DAP: variants seen among roughly 807,000 people sequenced by gnomAD.
DAP encodes the protein death-associated protein 1.
DAP carries 8 observed loss-of-function variants against 13.8 expected under a neutral mutation model. That is an observed-to-expected ratio of 0.58 (90% CI 0.34 to 1.05). The LOEUF is 1.05. DAP is among the 50% of genes least tolerant of loss of function. DAP has a pLI of 0.03. For missense variants in DAP, 106 were observed against 133.2 expected (o/e 0.80, Z 1.01); for synonymous variants, 47 against 47.5 (o/e 0.99, Z 0.04).
chr5:10,760,835 C>A (rs1013558088), intron 1 of DAP, among the ~76,000 whole-genome samples, 179 bp downstream of exon 1: 3 of 151,906 alleles, frequency 2.0e-5, no homozygotes, highest in Admixed American at 6.6e-5. Context: ...CTCCGGCGGG[C>A]TCCTCCCGGG....
At chr5:10,728,915 T>C (rs939793105) in intron 2 of DAP, among the ~76,000 whole-genome samples, 3 of 152,212 alleles carry the variant, frequency 2.0e-5, no homozygotes, top group African/African-American at 7.2e-5. Flanking sequence ...AAAATGAACA[T>C]TGATGCTGTT....
intron 2 of DAP, among the ~76,000 whole-genome samples, chr5:10,746,739 A>G (rs1000259585): frequency 6.6e-6 from 1 of 152,234 alleles, no homozygotes; most frequent in African/African-American, 2.4e-5. Flanking sequence ...ATAATCACTC[A>G]GAAATGTCAC....
intron 2 of DAP, among the ~76,000 whole-genome samples, chr5:10,694,688 G>A (rs1033226075): frequency 1.3e-5 from 2 of 152,198 alleles, no homozygotes; most frequent in African/African-American, 4.8e-5. Context: ...CACGACACTA[G>A]AGCACTGCAG....
rs561442149 is a variant in DAP at position 10,734,419 on chromosome 5, G to A, written c.152+13756C>T. Among the ~76,000 whole-genome samples the A allele has an allele frequency of 8.5e-5, 13 of 152,288 alleles. No homozygotes were observed. The East Asian group carries it at 1.3e-3, about 16-fold the overall frequency. ...GCCCTAGAGGAAAGCCTGGCCGCCC[G>A]CACTTTCTTTCTTATCCCCAAATCT... is the stretch of plus-strand genomic sequence containing the variant. On this transcript the variant is annotated intron_variant, in intron 2 of 3. Coordinates refer to ENST00000230895, the MANE Select transcript of DAP (RefSeq NM_004394.3).
intron 2 of DAP, among the ~76,000 whole-genome samples, chr5:10,730,041 T>A (rs1454017780): frequency 6.6e-6 from 1 of 152,242 alleles, no homozygotes; most frequent in Non-Finnish European, 1.5e-5. Flanking sequence ...CACAGGCGGT[T>A]TTCTCAGGAG....
chr5:10,759,909 C>T (rs1032209951), intron 1 of DAP, among the ~76,000 whole-genome samples: 2 of 152,024 alleles, frequency 1.3e-5, no homozygotes, highest in African/African-American at 4.8e-5. Flanking sequence ...CGCCCGCCAC[C>T]ATGCCCAGCT....
intron 3 of DAP, 114 bp downstream of exon 3, chr5:10,683,415 T>C: frequency 9.9e-7 from 1 of 1,013,984 alleles, no homozygotes; most frequent in Non-Finnish European, 1.6e-6. Flanking sequence ...ACAGAGGAGA[T>C]GAGCAGTGGT....
intron 2 of DAP, among the ~76,000 whole-genome samples, chr5:10,714,351 A>G (rs944243562): frequency 6.6e-6 from 1 of 152,222 alleles, no homozygotes; most frequent in Non-Finnish European, 1.5e-5. Flanking sequence ...TAATAGTTTT[A>G]TATCACATTC....
At chr5:10,710,035 T>C (rs2930055) in intron 2 of DAP, among the ~76,000 whole-genome samples, 43,457 of 152,202 alleles carry the variant, frequency 0.29, 6,378 homozygotes, top group Middle Eastern at 0.44. Context: ...TGCCAGGCTC[T>C]GTGATGAGGG....
chr5:10,682,814 G>A (rs1738057708), intron 3 of DAP, among the ~76,000 whole-genome samples: 1 of 152,230 alleles, frequency 6.6e-6, no homozygotes, highest in Admixed American at 6.5e-5. Flanking sequence ...TGGATGCTGC[G>A]GGGTTTCTTC....
In DAP at chr5:10,748,172, C is replaced by G; in HGVS notation, c.152+3G>C. 1 of 1,605,618 alleles carries G rather than the reference C, an allele frequency of 6.2e-7. No homozygotes were observed. Among genetic ancestry groups the G allele is most frequent in the Admixed American group, 1.7e-5 (1 of 60,010 alleles). On this transcript the variant is annotated splice_donor_region_variant and intron_variant, in intron 2 of 3. Transcript: ENST00000230895. ...TGCTCAAGAGTCGCTAGCATCATCC[C>G]ACCTGGGGCTTTCCCATTCCTGGTC... is the stretch of plus-strand genomic sequence containing the variant.
chr5:10,710,729 C>T (rs894373841), intron 2 of DAP, among the ~76,000 whole-genome samples: 1 of 152,186 alleles, frequency 6.6e-6, no homozygotes, highest in Non-Finnish European at 1.5e-5. Flanking sequence ...CTGGGAGTGT[C>T]CTTCAGCCCT....
At chr5:10,714,707 A>G (rs1048493933) in intron 2 of DAP, among the ~76,000 whole-genome samples, 1 of 152,154 alleles carries the variant, frequency 6.6e-6, no homozygotes, top group African/African-American at 2.4e-5. Flanking sequence ...AGGCGACTGC[A>G]TCATGGGGGT....
chr5:10,687,140 G>T (rs1007727557), intron 2 of DAP, among the ~76,000 whole-genome samples: 2 of 152,160 alleles, frequency 1.3e-5, no homozygotes, highest in African/African-American at 4.8e-5. Context: ...CCACTGTTGA[G>T]ACCTACTGCT....
At chr5:10,758,909 T>C (rs2111406534) in intron 1 of DAP, among the ~76,000 whole-genome samples, 1 of 152,354 alleles carries the variant, frequency 6.6e-6, no homozygotes, top group Admixed American at 6.5e-5. Flanking sequence ...GTACAGTTTA[T>C]ACCTCTGACC....
intron 2 of DAP, 46 bp downstream of exon 2, chr5:10,748,129 T>A: frequency 7.5e-7 from 1 of 1,326,772 alleles, no homozygotes; most frequent in Non-Finnish European, 1.1e-6. Context: ...CTTAACCGAA[T>A]AGGGTTTTTG....
intron 2 of DAP, among the ~76,000 whole-genome samples, chr5:10,709,497 G>A (rs1738787491): frequency 6.6e-6 from 1 of 152,192 alleles, no homozygotes; most frequent in Admixed American, 6.5e-5. Context: ...CAACCTCATT[G>A]CTTGGGTGTG....
intron 2 of DAP, among the ~76,000 whole-genome samples, chr5:10,732,716 T>C (rs549943906): frequency 1.3e-5 from 2 of 152,370 alleles, no homozygotes; most frequent in African/African-American, 4.8e-5. Flanking sequence ...CACATGGAAA[T>C]GCTGTTTAGC....
At chr5:10,759,142 G>A (rs1740273620) in intron 1 of DAP, among the ~76,000 whole-genome samples, 2 of 152,322 alleles carry the variant, frequency 1.3e-5, no homozygotes, top group South Asian at 4.1e-4. Context: ...AGCCAAGATC[G>A]TGCCACTGCA....
Sources: allele counts gnomAD v4.1 joint callset (sites outside exome capture counted in the v4.1 genomes callset), GRCh38; gene constraint gnomAD v4.1.1; transcripts MANE v1.5; gene names NCBI Gene and HGNC (gene_info 2026-07-23, HGNC 2026-07-21).